ADGRL3: variants seen among roughly 807,000 people sequenced by gnomAD.
The protein encoded by ADGRL3 is calcium-independent alpha-latrotoxin receptor 3.
A neutral mutation model predicts 153.5 loss-of-function variants in ADGRL3; 62 were observed. That is an observed-to-expected ratio of 0.40 (90% CI 0.33 to 0.50). ADGRL3 has a LOEUF of 0.50. Among genes scored for constraint, ADGRL3 ranks in the 20% least tolerant of loss-of-function variants. ADGRL3 has a pLI of 0.47. For synonymous variants in ADGRL3, 710 were observed against 672.5 expected (o/e 1.06, Z -0.86); for missense variants, 1,641 against 1,859.4 (o/e 0.88, Z 2.16).
rs371414691 is a variant in ADGRL3, at chr4:61,558,515, G to A, written c.260-28712G>A. ...AGATCTCTTTCTCTTTTTAGAGATC[G>A]CTCTCTCTCTACCACTTTTTATCTA... On this transcript the variant is annotated intron_variant, in intron 4 of 26. Transcript: ENST00000683033. Among the ~76,000 whole-genome samples the A allele has an allele frequency of 1.8e-4, 27 of 151,518 alleles. No individual in the cohort carries two copies. In the South Asian group the frequency reaches 2.7e-3, roughly 15 times the overall value.
At chr4:61,584,208 C>T (rs185372600) in intron 4 of ADGRL3, among the ~76,000 whole-genome samples, 11 of 152,084 alleles carry the variant, frequency 7.2e-5, no homozygotes, top group Non-Finnish European at 1.6e-4. Flanking sequence ...TAACAAATTC[C>T]CGTAAACAAA....
intron 17 of ADGRL3, among the ~76,000 whole-genome samples, chr4:61,970,138 T>C (rs1232326668): frequency 1.3e-5 from 2 of 152,112 alleles, no homozygotes; most frequent in Non-Finnish European, 2.9e-5. Flanking sequence ...AAGTTGGAGA[T>C]AATAATAGTA....
intron 5 of ADGRL3, among the ~76,000 whole-genome samples, chr4:61,623,494 A>G (rs1386534119): frequency 6.6e-6 from 1 of 152,114 alleles, no homozygotes; most frequent in East Asian, 1.9e-4. Flanking sequence ...TATTTTGTGA[A>G]GTTTGAATTT....
rs547012673 is a variant in ADGRL3, at chr4:61,298,883, A to G, written c.-239-84241A>G. 3.9e-5 allele frequency among the ~76,000 whole-genome samples: 6 copies of G among 152,316 alleles called. No homozygotes were observed. In the South Asian group the frequency reaches 1.0e-3, roughly 26 times the overall value. On this transcript the variant is annotated intron_variant, in intron 1 of 26. Coordinates refer to ENST00000683033, the MANE Select transcript of ADGRL3 (RefSeq NM_001387552.1). ...AATAAATGACTTCAAGTGATTTATT[A>G]GAGGCTACGATAACTTAATCAAATG...
intron 5 of ADGRL3, among the ~76,000 whole-genome samples, chr4:61,594,143 G>A (rs1410837804): frequency 6.6e-6 from 1 of 152,118 alleles, no homozygotes; most frequent in Non-Finnish European, 1.5e-5. Flanking sequence ...ATTTCTGCTT[G>A]ATTCCTTTTA....
rs560469540 is a variant in ADGRL3 at position 61,319,638 on chromosome 4, C to T, written c.-239-63486C>T. 4.0e-4 allele frequency among the ~76,000 whole-genome samples: 61 copies of T among 152,226 alleles called. 1 individual carries two copies. The highest frequency in any genetic ancestry group is 3.9e-3 in the Admixed American group (60 of 15,298). ...ACTAATAAACTGAGAATTAATGTAT[C>T]TCATTGAGCTCAAATTTGATTGTAC... On this transcript the variant is annotated intron_variant, in intron 1 of 26. Transcript: ENST00000683033.
At chr4:61,718,072 A>G (rs529202617) in intron 6 of ADGRL3, among the ~76,000 whole-genome samples, 325 of 152,152 alleles carry the variant, frequency 2.1e-3, no homozygotes, top group Middle Eastern at 3.4e-3. Context: ...AATAAAATAC[A>G]ATACAATAAA....
At chr4:61,911,003 T>C (rs2149828953) in intron 12 of ADGRL3, among the ~76,000 whole-genome samples, 1 of 152,126 alleles carries the variant, frequency 6.6e-6, no homozygotes. Context: ...GAGTTATTTT[T>C]GTCACTTATG....
chr4:62,021,172 A>G (rs2099236479), intron 21 of ADGRL3, among the ~76,000 whole-genome samples: 1 of 152,148 alleles, frequency 6.6e-6, no homozygotes, highest in Admixed American at 6.6e-5. Flanking sequence ...AGCAATTATA[A>G]TAGCAAATAT....
chr4:61,847,618 TA>T (rs2098133885), intron 9 of ADGRL3, among the ~76,000 whole-genome samples: 1 of 65,232 alleles, frequency 1.5e-5, no homozygotes, highest in African/African-American at 5.5e-5. Flanking sequence ...ATATTATATA[TA>T]TAATATAAAA....
chr4:61,774,020 C>G (rs1393571067), intron 8 of ADGRL3, among the ~76,000 whole-genome samples: 1 of 152,026 alleles, frequency 6.6e-6, no homozygotes, highest in African/African-American at 2.4e-5. Flanking sequence ...TGCGGTCAAC[C>G]GAGGTCTGCA....
At chr4:61,749,504 A>G (rs1200471100) in intron 8 of ADGRL3, among the ~76,000 whole-genome samples, 2 of 152,252 alleles carry the variant, frequency 1.3e-5, no homozygotes, top group East Asian at 1.9e-4. Flanking sequence ...TGTGGCACAT[A>G]TACACCGTGG....
intron 2 of ADGRL3, among the ~76,000 whole-genome samples, chr4:61,455,415 A>G (rs1251332274): frequency 2.6e-5 from 4 of 152,188 alleles, no homozygotes; most frequent in Admixed American, 6.6e-5. Flanking sequence ...GCACTTAGCC[A>G]TGTCTGAGAC....
intron 2 of ADGRL3, among the ~76,000 whole-genome samples, chr4:61,442,907 T>G (rs1024808528): frequency 6.6e-6 from 1 of 152,140 alleles, no homozygotes; most frequent in Non-Finnish European, 1.5e-5. Context: ...AGAGAGTGAA[T>G]GTAAAACATT....
intron 2 of ADGRL3, among the ~76,000 whole-genome samples, chr4:61,486,522 C>T (rs2098196196): frequency 6.6e-6 from 1 of 152,104 alleles, no homozygotes. Flanking sequence ...ATATTAGAAA[C>T]ATTCGAGGAT....
intron 2 of ADGRL3, among the ~76,000 whole-genome samples, chr4:61,447,117 G>A (rs1186010910): frequency 1.3e-5 from 2 of 152,144 alleles, no homozygotes; most frequent in Non-Finnish European, 2.9e-5. Flanking sequence ...TGGCCCCATG[G>A]TAACTGCCTG....
intron 8 of ADGRL3, among the ~76,000 whole-genome samples, chr4:61,773,807 G>T (rs561700535): frequency 6.6e-6 from 1 of 152,202 alleles, no homozygotes; most frequent in African/African-American, 2.4e-5. Flanking sequence ...ACTCAACGGG[G>T]TGATTGGAAT....
chr4:61,638,163 A>G (rs1384281010), intron 5 of ADGRL3, among the ~76,000 whole-genome samples: 1 of 152,200 alleles, frequency 6.6e-6, no homozygotes, highest in South Asian at 2.1e-4. Flanking sequence ...AGGAGAATGG[A>G]TAAACAAACT....
chr4:61,392,684 CAAAA>C (rs397993633), intron 2 of ADGRL3, among the ~76,000 whole-genome samples: 14 of 13,376 alleles, frequency 1.0e-3, no homozygotes, highest in African/African-American at 1.9e-3. Context: ...GACTCCATCT[CAAAA>C]AAAAAAAAAA....
Sources: allele counts gnomAD v4.1 joint callset (sites outside exome capture counted in the v4.1 genomes callset), GRCh38; gene constraint gnomAD v4.1.1; transcripts MANE v1.5; gene names NCBI Gene and HGNC (gene_info 2026-07-23, HGNC 2026-07-21).